Variants in STXBP5 observed in about 807,000 individuals in gnomAD.
STXBP5 encodes the protein syntaxin binding protein 5.
In STXBP5, 50 loss-of-function variants were observed where a neutral mutation model predicts 152.4. That is an observed-to-expected ratio of 0.33 (90% CI 0.26 to 0.42). The LOEUF is 0.42. STXBP5 is among the 10% of genes least tolerant of loss of function. The pLI is 1.00. For synonymous variants in STXBP5, 492 were observed against 494.7 expected, an observed-to-expected ratio of 0.99 and a Z score of 0.07; for missense variants, 1,167 against 1,388.6, an observed-to-expected ratio of 0.84 and a Z score of 2.54.
At chr6:147,319,886 T>C (rs1782832394) in intron 16 of STXBP5, among the ~76,000 whole-genome samples, 1 of 143,628 alleles carries the variant, frequency 7.0e-6, no homozygotes, top group African/African-American at 2.6e-5. Context: ...CTGTTGCCCA[T>C]GCTGGAGTAC....
chr6:147,265,923 T>G (rs1779871835), intron 6 of STXBP5, among the ~76,000 whole-genome samples: 1 of 150,650 alleles, frequency 6.6e-6, no homozygotes, highest in Admixed American at 6.6e-5. Flanking sequence ...AAAAAAAAAG[T>G]ACAAAGTGTT....
Position 147,327,114 on chromosome 6 carries a change from C to T in STXBP5, c.1929-11C>T, listed in dbSNP as rs1783301998. The T allele has an allele frequency of 3.1e-6, 5 of 1,605,652 alleles. No homozygotes were observed. The highest frequency in any genetic ancestry group is 4.2e-6 in the Non-Finnish European group (5 of 1,177,210). ...TTTGTGCTAAAATGTTTGTTATTTTCCTATTCCCAGGGTGGTTTTTGGCAA... is the reference window on the plus strand; with the variant it reads ...TTTGTGCTAAAATGTTTGTTATTTTTCTATTCCCAGGGTGGTTTTTGGCAA... On this transcript the variant is annotated splice_polypyrimidine_tract_variant and intron_variant, in intron 17 of 27. Transcript: ENST00000321680.
chr6:147,340,348 T>G (rs1582967907), intron 21 of STXBP5, among the ~76,000 whole-genome samples: 1 of 152,112 alleles, frequency 6.6e-6, no homozygotes, highest in African/African-American at 2.4e-5. Flanking sequence ...GGTGGCTGAC[T>G]GTTAGCCCCT....
intron 2 of STXBP5, among the ~76,000 whole-genome samples, chr6:147,219,753 G>A (rs1777360623): frequency 6.9e-6 from 1 of 144,484 alleles, no homozygotes; most frequent in Non-Finnish European, 1.5e-5. Flanking sequence ...TCTGATGTTA[G>A]TAATTTGTGT....
intron 4 of STXBP5, among the ~76,000 whole-genome samples, chr6:147,254,487 GTCA>G (rs1473602388): frequency 1.3e-5 from 2 of 152,170 alleles, no homozygotes; most frequent in Admixed American, 6.5e-5. Context: ...AAAAGAAACT[GTCA>G]TCAGAGTGAA....
chr6:147,231,527 T>G (rs1304211570), intron 2 of STXBP5, among the ~76,000 whole-genome samples: 1 of 151,882 alleles, frequency 6.6e-6, no homozygotes, highest in African/African-American at 2.4e-5. Flanking sequence ...GATAGGAATA[T>G]TGTATTATCT....
chr6:147,234,363 GT>G (rs376969191), intron 2 of STXBP5, among the ~76,000 whole-genome samples: 2 of 150,532 alleles, frequency 1.3e-5, no homozygotes, highest in Non-Finnish European at 1.5e-5. Context: ...CAAATGTACA[GT>G]TTTTTTTTCT....
chr6:147,383,598 G>A (rs1308024743), intron 27 of STXBP5, among the ~76,000 whole-genome samples: 1 of 151,974 alleles, frequency 6.6e-6, no homozygotes, highest in Non-Finnish European at 1.5e-5. Context: ...GCCTTTACGG[G>A]AAATAACACA....
intron 9 of STXBP5, chr6:147,293,355 C>G (rs1478184468): frequency 6.6e-6 from 1 of 152,156 alleles, no homozygotes; most frequent in Non-Finnish European, 1.5e-5. Flanking sequence ...ATGGGAAATT[C>G]AGTAAATTCA....
intron 7 of STXBP5, among the ~76,000 whole-genome samples, chr6:147,273,002 A>C (rs930038892): frequency 7.2e-5 from 11 of 152,096 alleles, no homozygotes; most frequent in African/African-American, 2.7e-4. Flanking sequence ...CTTCATCTAT[A>C]TAAAATTTTA....
intron 4 of STXBP5, among the ~76,000 whole-genome samples, chr6:147,250,852 T>C (rs928447144): frequency 4.0e-5 from 6 of 151,680 alleles, no homozygotes; most frequent in African/African-American, 1.2e-4. Flanking sequence ...AATTCATTTA[T>C]TTGCTTAAGA....
chr6:147,378,108 T>A (rs1785901054), intron 26 of STXBP5, among the ~76,000 whole-genome samples: 1 of 152,122 alleles, frequency 6.6e-6, no homozygotes, highest in South Asian at 2.1e-4. Context: ...AGTAAACTTC[T>A]GGTACAAATT....
chr6:147,242,171 TAA>T (rs74855396), intron 4 of STXBP5, among the ~76,000 whole-genome samples: 6 of 133,704 alleles, frequency 4.5e-5, no homozygotes, highest in Non-Finnish European at 6.5e-5. Flanking sequence ...GTCTTAGTTT[TAA>T]AAAAAAAAAA....
At chr6:147,366,722 A>T (rs1284251569) in intron 25 of STXBP5, among the ~76,000 whole-genome samples, 2 of 151,936 alleles carry the variant, frequency 1.3e-5, no homozygotes, top group Non-Finnish European at 2.9e-5. Flanking sequence ...ATCTGCATAG[A>T]CTCCTTTTCC....
chr6:147,288,754 C>T (rs554027427), intron 8 of STXBP5, among the ~76,000 whole-genome samples: 16 of 152,212 alleles, frequency 1.1e-4, no homozygotes, highest in African/African-American at 3.1e-4. Flanking sequence ...AGTTTCAGAG[C>T]AGGAGTGGAA....
intron 8 of STXBP5, among the ~76,000 whole-genome samples, chr6:147,280,399 T>G (rs184174268): frequency 2.7e-4 from 41 of 152,330 alleles, no homozygotes; most frequent in African/African-American, 9.9e-4. Context: ...GTATCTCATA[T>G]CCTGATCCTT....
chr6:147,253,725 A>G (rs187107637), intron 4 of STXBP5, among the ~76,000 whole-genome samples: 1 of 152,288 alleles, frequency 6.6e-6, no homozygotes, highest in Non-Finnish European at 1.5e-5. Context: ...ATACCTAGGA[A>G]TACAACTTAC....
At chr6:147,264,029 T>TTA (rs1234728312) in intron 6 of STXBP5, among the ~76,000 whole-genome samples, 4 of 151,486 alleles carry the variant, frequency 2.6e-5, no homozygotes, top group African/African-American at 9.7e-5. Context: ...ATTATATGGA[T>TTA]TATATATATA....
chr6:147,242,587 G>C (rs1195415944), intron 4 of STXBP5, among the ~76,000 whole-genome samples: 3 of 152,044 alleles, frequency 2.0e-5, no homozygotes, highest in Non-Finnish European at 4.4e-5. Context: ...CATTTTTACT[G>C]TACCTTTTTA....
Sources: gnomAD v4.1 joint callset for allele counts (sites outside exome capture counted in the v4.1 genomes callset) on GRCh38, gnomAD v4.1.1 for gene constraint, MANE v1.5 for transcripts, NCBI Gene and HGNC (gene_info 2026-07-23, HGNC 2026-07-21) for gene names.